The following AUTS2 variants were observed in gnomAD, a reference collection of about 807,000 sequenced individuals.
AUTS2 encodes the protein autism susceptibility gene 2 protein.
In AUTS2, 17 loss-of-function variants were observed where a neutral mutation model predicts 112.4. The observed-to-expected ratio is 0.15, with a 90% CI of 0.10 to 0.23. The LOEUF (loss-of-function observed/expected upper bound fraction) is 0.23, where lower values mean the gene tolerates loss of function less well. Ranked by LOEUF, AUTS2 falls within the 10% of genes least tolerant of loss-of-function variation. AUTS2 has a pLI of 1.00. For synonymous variants in AUTS2, 751 were observed against 702.7 expected, an observed-to-expected ratio of 1.07 and a Z score of -1.09; for missense variants, 1,510 against 1,701.6, an observed-to-expected ratio of 0.89 and a Z score of 1.98.
intron 1 of AUTS2, among the ~76,000 whole-genome samples, chr7:69,753,966 A>G (rs1335678503): frequency 1.3e-5 from 2 of 152,152 alleles, no homozygotes; most frequent in Non-Finnish European, 2.9e-5. Context: ...TGCTGTTCAC[A>G]TGTAGTCTAA....
chr7:70,301,475 GA>G (rs1388616933), intron 4 of AUTS2, among the ~76,000 whole-genome samples: 1 of 151,948 alleles, frequency 6.6e-6, no homozygotes, highest in East Asian at 1.9e-4. Flanking sequence ...ATAAAATAGG[GA>G]AAAAAAGCTC....
chr7:70,320,428 C>A (rs986343803), intron 4 of AUTS2, among the ~76,000 whole-genome samples: 2 of 152,188 alleles, frequency 1.3e-5, no homozygotes, highest in African/African-American at 4.8e-5. Context: ...GCCAGACTTA[C>A]CAGCATGTAT....
At chr7:69,947,262 C>T (rs1399084533) in intron 2 of AUTS2, among the ~76,000 whole-genome samples, 2 of 152,096 alleles carry the variant, frequency 1.3e-5, no homozygotes, top group Non-Finnish European at 2.9e-5. Context: ...AGTGCTTTGG[C>T]AGTTCAGTGC....
chr7:70,785,693 G>A (rs1193817998), intron 16 of AUTS2, among the ~76,000 whole-genome samples: 1 of 152,256 alleles, frequency 6.6e-6, no homozygotes, highest in Non-Finnish European at 1.5e-5. Context: ...ATCCTAGCTT[G>A]AGTAGTGTCC....
At chr7:69,922,413 C>T (rs1013420920) in intron 2 of AUTS2, among the ~76,000 whole-genome samples, 1 of 152,222 alleles carries the variant, frequency 6.6e-6, no homozygotes, top group East Asian at 1.9e-4. Context: ...ATTGACTTCA[C>T]CAAAGCCTCT....
At chr7:69,881,687 C>G (rs1401556696) in intron 1 of AUTS2, among the ~76,000 whole-genome samples, 1 of 152,086 alleles carries the variant, frequency 6.6e-6, no homozygotes, top group Non-Finnish European at 1.5e-5. Context: ...TTCCATCTTT[C>G]CATATGGTGA....
intron 4 of AUTS2, among the ~76,000 whole-genome samples, chr7:70,357,186 A>G (rs551736645): frequency 9.8e-5 from 15 of 152,324 alleles, no homozygotes; most frequent in South Asian, 6.2e-4. Context: ...TGAAGTAGGC[A>G]GGAACAAACC....
At chr7:70,563,371 T>C (rs1801569590) in intron 5 of AUTS2, among the ~76,000 whole-genome samples, 1 of 152,224 alleles carries the variant, frequency 6.6e-6, no homozygotes, top group South Asian at 2.1e-4. Context: ...CTATGAGACA[T>C]CTTGGAGTAA....
At chr7:69,982,275 C>T (rs1289744986) in intron 2 of AUTS2, among the ~76,000 whole-genome samples, 1 of 152,128 alleles carries the variant, frequency 6.6e-6, no homozygotes. Flanking sequence ...TAGCTCAGCA[C>T]AGTGAATACT....
chr7:70,655,243 C>T (rs1417530557), intron 5 of AUTS2, among the ~76,000 whole-genome samples: 1 of 152,262 alleles, frequency 6.6e-6, no homozygotes, highest in African/African-American at 2.4e-5. Context: ...AACTTGGGCC[C>T]TCTCCAGTCC....
intron 5 of AUTS2, among the ~76,000 whole-genome samples, chr7:70,616,129 A>G (rs1804352651): frequency 6.6e-6 from 1 of 152,230 alleles, no homozygotes; most frequent in African/African-American, 2.4e-5. Context: ...GCTTCTGTAC[A>G]TCTTCTTCAG....
At chr7:69,915,719 A>T (rs1363299079) in intron 2 of AUTS2, among the ~76,000 whole-genome samples, 6 of 152,126 alleles carry the variant, frequency 3.9e-5, no homozygotes, top group African/African-American at 1.4e-4. Context: ...TTTGAATAGA[A>T]ATTTTTATTT....
rs190175791 is a variant in AUTS2 at position 70,336,137 on chromosome 7, C to T, written c.661-99615C>T. On this transcript the variant is annotated intron_variant, in intron 4 of 18. Coordinates refer to ENST00000342771, the MANE Select transcript of AUTS2 (RefSeq NM_015570.4). ...GCTGGAACATCAAACATAGATTTTA[C>T]TTTACTTCTTTTTAAAATAATTGGT... 1.4e-4 allele frequency among the ~76,000 whole-genome samples: 21 copies of T among 152,252 alleles called. No individual in the cohort carries two copies. The East Asian group carries it at 4.0e-3, about 29-fold the overall frequency.
chr7:70,572,197 G>C (rs1303679796), intron 5 of AUTS2, among the ~76,000 whole-genome samples: 1 of 152,132 alleles, frequency 6.6e-6, no homozygotes, highest in Non-Finnish European at 1.5e-5. Context: ...ACATGCCGCG[G>C]GCTTGGGCGG....
chr7:70,628,125 AGCAAT>A (rs1585401821), intron 5 of AUTS2, among the ~76,000 whole-genome samples: 1 of 152,200 alleles, frequency 6.6e-6, no homozygotes, highest in African/African-American at 2.4e-5. Context: ...AGTGTGGCAA[AGCAAT>A]GCCTTGGAAG....
intron 2 of AUTS2, among the ~76,000 whole-genome samples, chr7:69,993,039 C>T (rs1304051382): frequency 1.3e-5 from 2 of 152,304 alleles, no homozygotes; most frequent in South Asian, 4.1e-4. Flanking sequence ...GGGTAAAAGG[C>T]TCTAAAAGCC....
chr7:69,769,149 C>G (rs1788555060), intron 1 of AUTS2, among the ~76,000 whole-genome samples: 1 of 152,176 alleles, frequency 6.6e-6, no homozygotes, highest in South Asian at 2.1e-4. Context: ...TAGGCATACC[C>G]TTAACATTAA....
intron 13 of AUTS2, 120 bp downstream of exon 13, chr7:70,775,506 CG>C: frequency 2.5e-6 from 2 of 815,930 alleles, no homozygotes; most frequent in Non-Finnish European, 3.9e-6. Flanking sequence ...ATTGGAATGA[CG>C]GTGATTGGGT....
intron 4 of AUTS2, among the ~76,000 whole-genome samples, chr7:70,377,378 A>G (rs1793158031): frequency 7.8e-6 from 1 of 127,784 alleles, no homozygotes; most frequent in Non-Finnish European, 1.7e-5. Flanking sequence ...ATATATAGTG[A>G]TATATATATC....
Sources: gnomAD v4.1 joint callset for allele counts (sites outside exome capture counted in the v4.1 genomes callset) on GRCh38, gnomAD v4.1.1 for gene constraint, MANE v1.5 for transcripts, NCBI Gene and HGNC (gene_info 2026-07-23, HGNC 2026-07-21) for gene names.